The following CA10 variants were observed in gnomAD, a reference collection of about 807,000 sequenced individuals.
CA10 encodes carbonic anhydrase-related protein 10.
CA10 carries 14 observed loss-of-function variants against 44.2 expected under a neutral mutation model. That is an observed-to-expected ratio of 0.32 (90% CI 0.21 to 0.50). CA10 has a LOEUF of 0.50. CA10 is among the 20% of genes least tolerant of loss of function. The pLI is 0.99. For synonymous variants in CA10, 159 were observed against 141.6 expected, an observed-to-expected ratio of 1.12 and a Z score of -0.87; for missense variants, 350 against 409.7, an observed-to-expected ratio of 0.85 and a Z score of 1.26.
chr17:51,703,214 T>C (rs1915655818), intron 4 of CA10, among the ~76,000 whole-genome samples: 1 of 152,202 alleles, frequency 6.6e-6, no homozygotes, highest in Admixed American at 6.5e-5. Context: ...TAAAATGTAC[T>C]GTACATAATA....
At chr17:51,653,937 C>A (rs1409498123) in intron 4 of CA10, among the ~76,000 whole-genome samples, 1 of 152,228 alleles carries the variant, frequency 6.6e-6, no homozygotes, top group Admixed American at 6.5e-5. Flanking sequence ...AATACCCATA[C>A]ATATTTGCAA....
At chr17:51,819,772 C>A (rs1907693073) in intron 3 of CA10, among the ~76,000 whole-genome samples, 1 of 152,170 alleles carries the variant, frequency 6.6e-6, no homozygotes, top group Non-Finnish European at 1.5e-5. Flanking sequence ...GCTTCCAGTC[C>A]AGTGAATAAC....
At chr17:51,816,655 A>G (rs1205951755) in intron 3 of CA10, among the ~76,000 whole-genome samples, 1 of 152,216 alleles carries the variant, frequency 6.6e-6, no homozygotes, top group Non-Finnish European at 1.5e-5. Flanking sequence ...ATCTCAAAAT[A>G]TTATTTTTAC....
chr17:51,854,363 A>C (rs2143828979), intron 3 of CA10, among the ~76,000 whole-genome samples: 1 of 152,314 alleles, frequency 6.6e-6, no homozygotes, highest in African/African-American at 2.4e-5. Context: ...TTGGGAAGCA[A>C]TGGCAGAGTT....
intron 3 of CA10, among the ~76,000 whole-genome samples, chr17:51,877,884 C>T (rs1164796058): frequency 6.6e-6 from 1 of 151,938 alleles, no homozygotes; most frequent in African/African-American, 2.4e-5. Flanking sequence ...GTGACTCACA[C>T]CTGTAATCCC....
intron 4 of CA10, among the ~76,000 whole-genome samples, chr17:51,706,590 C>T (rs987919653): frequency 1.6e-4 from 24 of 152,214 alleles, no homozygotes; most frequent in Non-Finnish European, 2.5e-4. Context: ...TCTTGGCTAA[C>T]AGCCAGAAAA....
At chr17:51,978,920 A>T (rs1984554885) in intron 2 of CA10, among the ~76,000 whole-genome samples, 1 of 152,096 alleles carries the variant, frequency 6.6e-6, no homozygotes, top group South Asian at 2.1e-4. Context: ...ACTCAGTTAC[A>T]TTCAAATTAC....
intron 3 of CA10, among the ~76,000 whole-genome samples, chr17:51,852,499 A>G (rs1598082040): frequency 6.6e-6 from 1 of 152,314 alleles, no homozygotes; most frequent in African/African-American, 2.4e-5. Flanking sequence ...TCATCATGGC[A>G]GTTAAGGTAG....
intron 3 of CA10, among the ~76,000 whole-genome samples, chr17:51,830,195 C>CAAAAAAAAAAAAAAAAAA (rs1220410518): frequency 3.3e-5 from 3 of 89,976 alleles, no homozygotes; most frequent in East Asian, 2.7e-4. Flanking sequence ...GACTCCATCT[C>CAAAAAAAAAAAAAAAAAA]AAAAAAAAAA....
intron 4 of CA10, among the ~76,000 whole-genome samples, chr17:51,707,671 ATGTGTGTGTG>A (rs3031847): frequency 9.1e-5 from 13 of 142,910 alleles, no homozygotes; most frequent in Non-Finnish European, 1.7e-4. Context: ...GTGGATGAAT[ATGTGTGTGTG>A]TGTGTGTGTG....
intron 2 of CA10, among the ~76,000 whole-genome samples, chr17:51,975,065 GCAGT>G (rs1984416288): frequency 6.6e-6 from 1 of 152,034 alleles, no homozygotes; most frequent in Non-Finnish European, 1.5e-5. Context: ...AAGAGAGACT[GCAGT>G]AAGTTAAACA....
chr17:52,063,499 T>C (rs1340313903), intron 2 of CA10, among the ~76,000 whole-genome samples: 1 of 152,196 alleles, frequency 6.6e-6, no homozygotes, highest in Admixed American at 6.5e-5. Context: ...GAGAGGTGTT[T>C]GGGTCATAGA....
At chr17:51,873,933 G>A (rs1443225548) in intron 3 of CA10, among the ~76,000 whole-genome samples, 2 of 152,190 alleles carry the variant, frequency 1.3e-5, no homozygotes, top group Non-Finnish European at 2.9e-5. Flanking sequence ...CAAGCACATA[G>A]GATAGTGCAC....
intron 2 of CA10, among the ~76,000 whole-genome samples, chr17:52,033,198 G>A (rs73989044): frequency 0.12 from 18,129 of 152,170 alleles, 1,128 homozygotes; most frequent in South Asian, 0.16. Context: ...ATATAGAGTA[G>A]TAAAATTGGA....
At chr17:51,853,481 T>A (rs956421908) in intron 3 of CA10, among the ~76,000 whole-genome samples, 1 of 152,226 alleles carries the variant, frequency 6.6e-6, no homozygotes, top group Non-Finnish European at 1.5e-5. Context: ...CCTGCCCATA[T>A]TGGGAATGCC....
intron 4 of CA10, among the ~76,000 whole-genome samples, chr17:51,709,047 A>G (rs1344019629): frequency 1.3e-5 from 2 of 152,172 alleles, no homozygotes; most frequent in African/African-American, 4.8e-5. Context: ...TCCTTCATAT[A>G]TACACCTATC....
At chr17:51,797,347 C>T (rs149966920) in intron 3 of CA10, among the ~76,000 whole-genome samples, 16 of 152,336 alleles carry the variant, frequency 1.1e-4, no homozygotes, top group African/African-American at 2.6e-4. Flanking sequence ...GGCGCATGCG[C>T]GCGCACGCAC....
intron 2 of CA10, among the ~76,000 whole-genome samples, chr17:51,975,063 C>A (rs1984416085): frequency 6.6e-6 from 1 of 151,864 alleles, no homozygotes; most frequent in Non-Finnish European, 1.5e-5. Flanking sequence ...TGAAGAGAGA[C>A]TGCAGTAAGT....
At chr17:51,778,721 G>A (rs1382841555) in intron 3 of CA10, among the ~76,000 whole-genome samples, 2 of 152,202 alleles carry the variant, frequency 1.3e-5, no homozygotes, top group Non-Finnish European at 2.9e-5. Context: ...ACTCAGAGAT[G>A]AGCAGGGCAC....
Sources: gnomAD v4.1 joint callset for allele counts (sites outside exome capture counted in the v4.1 genomes callset) on GRCh38, gnomAD v4.1.1 for gene constraint, MANE v1.5 for transcripts, NCBI Gene and HGNC (gene_info 2026-07-23, HGNC 2026-07-21) for gene names.